The following DNPEP variants were observed in gnomAD, a reference collection of about 807,000 sequenced individuals.
The protein encoded by DNPEP is aspartyl aminopeptidase.
Under a neutral mutation model 59.1 loss-of-function variants are expected in DNPEP, and 46 were observed. That is an observed-to-expected ratio of 0.78 (90% CI 0.61 to 0.99). DNPEP has a LOEUF of 0.99. Ranked by LOEUF, DNPEP falls within the 50% of genes least tolerant of loss-of-function variation. The pLI is 0.00. For missense variants in DNPEP, 617 were observed against 649.9 expected, an observed-to-expected ratio of 0.95 and a Z score of 0.55; for synonymous variants, 229 against 242.2, an observed-to-expected ratio of 0.95 and a Z score of 0.50.
At chr2:219,374,757 G>A in intron 14 of DNPEP, 98 bp downstream of exon 14, 1 of 1,413,122 alleles carries the variant, frequency 7.1e-7, no homozygotes, top group Non-Finnish European at 9.7e-7. Flanking sequence ...CATTACTCAG[G>A]CCAGTCACTT....
Position 219,374,945 on chromosome 2 carries a change from C to T in DNPEP, c.1317G>A (p.Val439=), listed in dbSNP as rs780726561. The change falls in exon 14 of 15, where the codon GTG becomes GTA. Residue 439 remains valine (V), a synonymous_variant. Coordinates refer to ENST00000273075, the MANE Select transcript of DNPEP (RefSeq NM_012100.4). Reference sequence around the variant, plus strand: ...CCAGTTGGGGGCTGCCTAAATCCAGCACCCGCAGCCCCAGCCGAGAAGCCA... The same window carrying T: ...CCAGTTGGGGGCTGCCTAAATCCAGTACCCGCAGCCCCAGCCGAGAAGCCA... The part of the protein sequence containing the change: ...PILASRLGLR[V]LDLGSPQLAM... 52 of 1,614,080 alleles carry T rather than the reference C, an allele frequency of 3.2e-5. No individual in the cohort carries two copies. In the South Asian group the frequency reaches 5.5e-4, roughly 17 times the overall value.
Position 219,382,144 on chromosome 2 carries a change from C to G in DNPEP, c.937-5G>C. The G allele has an allele frequency of 6.2e-7, 1 of 1,607,598 alleles. No individual in the cohort carries two copies. ...CTGTGCACTCTCAGACCCCACCTGG[C>G]GACAGTAGAGTCCTGACTCTGGGAA... On this transcript the variant is annotated splice_region_variant and splice_polypyrimidine_tract_variant and intron_variant, in intron 10 of 14. Transcript: ENST00000273075.
chr2:219,389,319 A>C (rs1559343649), upstream of DNPEP, among the ~76,000 whole-genome samples: 1 of 151,926 alleles, frequency 6.6e-6, no homozygotes, highest in Non-Finnish European at 1.5e-5. Flanking sequence ...AACAGGGCCC[A>C]GCTACCAGGG....
rs1953281341 is a variant in DNPEP at position 219,374,320 on chromosome 2, G to C, written c.1430C>G (p.Ser477Cys). 6.2e-7 allele frequency: 1 copy of C among 1,614,024 alleles called. No homozygotes were observed. The highest frequency in any genetic ancestry group is 1.3e-5 in the African/African-American group (1 of 74,926). The change falls in exon 15 of 15, where the codon TCT becomes TGT. Residue 477 changes from serine (S) to cysteine (C), a missense_variant. By Grantham distance (112) the Ser-to-Cys change is moderately radical. Transcript: ENST00000273075. The stretch of plus-strand genomic sequence containing the variant: ...ATCCACTAAGAGATTATGGCTTAGA[G>C]AAGGGAACAGCTCAAAGAAGCCCTA... ...LFKGFFELFP[S>C]LSHNLLVD
Position 219,386,110 on chromosome 2 carries a change from C to T in DNPEP, c.460-12G>A. ...CCTGAGGTAGGGCACTGCAGCCAGC[C>T]AGGCCAGGTCAGCCCAGGGTGCCTC... On this transcript the variant is annotated splice_polypyrimidine_tract_variant and intron_variant, in intron 5 of 14. Transcript: ENST00000273075. The T allele has an allele frequency of 6.2e-7, 1 of 1,613,252 alleles. No individual in the cohort carries two copies. The highest frequency in any genetic ancestry group is 8.5e-7 in the Non-Finnish European group (1 of 1,179,404).
chr2:219,381,497 C>T (rs1417840931), intron 12 of DNPEP, 48 bp downstream of exon 12: 7 of 1,613,816 alleles, frequency 4.3e-6, no homozygotes, highest in East Asian at 2.2e-5. Context: ...AGTCGGCGCT[C>T]GGAACAGCCA....
Position 219,385,974 on chromosome 2 carries a change from ATC to A in DNPEP, c.582_583del (p.Glu194AspfsTer21), listed in dbSNP as rs1953806409. 6.2e-7 allele frequency: 1 copy of A among 1,614,094 alleles called. No individual in the cohort carries two copies. Among genetic ancestry groups the A allele is most frequent in the African/African-American group, 1.3e-5 (1 of 75,036 alleles). ...AGCCCTGCCCCAGTCTCACAGATGC[ATC>A]TCTGTGTTGGGCCCAAAGTTCTCGT... On this transcript the variant is annotated frameshift_variant, in exon 6 of 15. Coordinates refer to ENST00000273075, the MANE Select transcript of DNPEP (RefSeq NM_012100.4). LOFTEE classifies it high-confidence loss of function.
rs1203912040 is a variant in DNPEP at position 219,386,731 on chromosome 2, C to T, written c.267G>A (p.Gly89=). The change falls in exon 4 of 15, where the codon GGG becomes GGA. Residue 89 remains glycine (G), a synonymous_variant. Coordinates refer to ENST00000273075, the MANE Select transcript of DNPEP (RefSeq NM_012100.4). ...NSSTIIAFAV[G]GQYVPGNGFS... ...AGCCATTGCCAGGAACGTACTGGCC[C>T]CCTACAGCAAAAGCTATGATGGTGG... 6.2e-7 allele frequency: 1 copy of T among 1,612,982 alleles called. No individual in the cohort carries two copies. The highest frequency in any genetic ancestry group is 2.2e-5 in the East Asian group (1 of 44,872).
At chr2:219,377,473 GACATTTAAGCA>G (rs1953420960) in intron 13 of DNPEP, among the ~76,000 whole-genome samples, 1 of 152,048 alleles carries the variant, frequency 6.6e-6, no homozygotes, top group Non-Finnish European at 1.5e-5. Flanking sequence ...TACACTGGAA[GACATTTAAGCA>G]ACATATCAGC....
At chr2:219,399,014 A>C (rs916128639) in intron 1 of DNPEP, among the ~76,000 whole-genome samples, 8 of 152,140 alleles carry the variant, frequency 5.3e-5, no homozygotes, top group Admixed American at 2.0e-4. Context: ...TTCAGTTCGT[A>C]TTTCTAGGGA....
upstream of DNPEP, chr2:219,388,704 G>C (rs573268450): frequency 9.8e-5 from 97 of 985,726 alleles, no homozygotes; most frequent in African/African-American, 1.6e-3. Context: ...CAGCTCACCG[G>C]GTCCGACGGG....
intron 13 of DNPEP, among the ~76,000 whole-genome samples, chr2:219,378,676 T>G (rs1011689885): frequency 6.6e-6 from 1 of 152,136 alleles, no homozygotes; most frequent in Non-Finnish European, 1.5e-5. Context: ...ATAGACTACA[T>G]ATGACAGTGG....
At chr2:219,381,510 C>A (rs1173845079) in intron 12 of DNPEP, 35 bp downstream of exon 12, 2 of 1,613,908 alleles carry the variant, frequency 1.2e-6, no homozygotes, top group Non-Finnish European at 1.7e-6. Flanking sequence ...AACAGCCAGA[C>A]CTCCAAGTCC....
chr2:219,383,483 CTTTCTTTCTTTTTTTTTTT>C (rs1953687322), intron 9 of DNPEP, among the ~76,000 whole-genome samples: 1 of 142,266 alleles, frequency 7.0e-6, no homozygotes, highest in Non-Finnish European at 1.5e-5. Flanking sequence ...CTCTTTTTTT[CTTTCTTTCTTTTTTTTTTT>C]GGCCAGATCA....
chr2:219,374,136 G>T lies in DNPEP; in HGVS notation c.*156C>A. ...CTCCCCAACTTTTCTGGTTCCAAAGGTTCAAGCCAGGCTCAACTCCCACTC... is the reference window on the plus strand; with the variant it reads ...CTCCCCAACTTTTCTGGTTCCAAAGTTTCAAGCCAGGCTCAACTCCCACTC... On this transcript the variant is annotated 3_prime_UTR_variant, in exon 15 of 15. Transcript: ENST00000273075. 1.4e-6 allele frequency: 1 copy of T among 717,984 alleles called. No individual in the cohort carries two copies. The highest frequency in any genetic ancestry group is 1.9e-5 in the South Asian group (1 of 51,652). 44.5% of individuals were successfully genotyped at this position (717,984 alleles called of 1,614,324 possible). A position where few individuals can be genotyped will look rare whatever the true frequency, so the allele number is the denominator to read the frequency against.
At chr2:219,396,588 A>C (rs549359855) in intron 1 of DNPEP, among the ~76,000 whole-genome samples, 107 of 150,886 alleles carry the variant, frequency 7.1e-4, no homozygotes, top group African/African-American at 2.5e-3. Flanking sequence ...ACTCCATCTC[A>C]AAAAAAAAGA....
In DNPEP at chr2:219,386,730, C is replaced by T. The variant is rs905640580; in HGVS notation, c.268G>A (p.Gly90Ser). Residue 90 changes from glycine (G) to serine (S), a missense_variant, in exon 4 of 15, where the codon GGC (glycine) becomes AGC (serine). By Grantham distance (56) the Gly-to-Ser change is moderately conservative. Coordinates refer to ENST00000273075, the MANE Select transcript of DNPEP (RefSeq NM_012100.4). ...AAGCCATTGCCAGGAACGTACTGGCCCCCTACAGCAAAAGCTATGATGGTG... is the reference window on the plus strand; with the variant it reads ...AAGCCATTGCCAGGAACGTACTGGCTCCCTACAGCAAAAGCTATGATGGTG... Reference protein sequence around the residue: ...SSTIIAFAVGGQYVPGNGFSL... With the variant: ...SSTIIAFAVGSQYVPGNGFSL... 5.6e-6 allele frequency: 9 copies of T among 1,612,932 alleles called. No homozygotes were observed. Among genetic ancestry groups the T allele is most frequent in the Non-Finnish European group, 5.9e-6 (7 of 1,179,682 alleles).
chr2:219,382,483 C>T (rs1953643414), intron 10 of DNPEP, among the ~76,000 whole-genome samples: 1 of 152,194 alleles, frequency 6.6e-6, no homozygotes, highest in Non-Finnish European at 1.5e-5. Flanking sequence ...TTAGAACACC[C>T]AAGTTGTAGC....
chr2:219,395,948 A>G (rs1227590266), intron 1 of DNPEP, among the ~76,000 whole-genome samples: 1 of 152,262 alleles, frequency 6.6e-6, no homozygotes, highest in East Asian at 1.9e-4. Flanking sequence ...TGAATTAAAG[A>G]AATTTTGAAA....
Sources: allele counts gnomAD v4.1 joint callset (sites outside exome capture counted in the v4.1 genomes callset), GRCh38; gene constraint gnomAD v4.1.1; transcripts MANE v1.5; gene names NCBI Gene and HGNC (gene_info 2026-07-23, HGNC 2026-07-21).